The following COBLL1 variants were observed in gnomAD, a reference collection of about 807,000 sequenced individuals.
The protein encoded by COBLL1 is cordon-bleu WH2 repeat protein like 1.
In COBLL1, 50 loss-of-function variants were observed where a neutral mutation model predicts 94.8. The ratio of observed to expected loss-of-function variants is 0.53; its 90% CI spans 0.42 to 0.67. COBLL1 has a LOEUF of 0.67. COBLL1 is among the 30% of genes least tolerant of loss of function. COBLL1 has a pLI of 0.00. For missense variants in COBLL1, 1,362 were observed against 1,348.7 expected (o/e 1.01, Z -0.15); for synonymous variants, 448 against 473.8 (o/e 0.95, Z 0.71).
intron 9 of COBLL1, among the ~76,000 whole-genome samples, chr2:164,702,756 C>T (rs1017693948): frequency 2.6e-5 from 4 of 151,840 alleles, no homozygotes; most frequent in Non-Finnish European, 5.9e-5. Context: ...AGCAATCTTC[C>T]ACCTCAGCCT....
chr2:164,750,484 T>C (rs1041079851), intron 2 of COBLL1, among the ~76,000 whole-genome samples: 4 of 152,196 alleles, frequency 2.6e-5, no homozygotes, highest in African/African-American at 9.6e-5. Context: ...ACCAGCTCCC[T>C]GCTACCACCC....
At chr2:164,709,674 G>T (rs1422025506) in intron 7 of COBLL1, among the ~76,000 whole-genome samples, 1 of 151,936 alleles carries the variant, frequency 6.6e-6, no homozygotes, top group Non-Finnish European at 1.5e-5. Context: ...CCAAGATTGC[G>T]CCACTGCACT....
intron 2 of COBLL1, among the ~76,000 whole-genome samples, chr2:164,787,568 G>GA (rs951694457): frequency 6.6e-6 from 1 of 151,952 alleles, no homozygotes; most frequent in East Asian, 1.9e-4. Context: ...AAGGCTGGGG[G>GA]AAAAAATAAG....
At chr2:164,819,351 A>G (rs1046113854) in intron 2 of COBLL1, among the ~76,000 whole-genome samples, 3 of 152,162 alleles carry the variant, frequency 2.0e-5, no homozygotes, top group Non-Finnish European at 4.4e-5. Flanking sequence ...AACATAAAAG[A>G]GATAAAGCAT....
intron 2 of COBLL1, among the ~76,000 whole-genome samples, chr2:164,663,060 T>G (rs1273500153): frequency 6.6e-6 from 1 of 152,224 alleles, no homozygotes; most frequent in Non-Finnish European, 1.5e-5. Context: ...AATGTATGCA[T>G]TGGACTTTTC....
At chr2:164,668,464 G>A (rs1691199501) in intron 1 of COBLL1, among the ~76,000 whole-genome samples, 1 of 152,168 alleles carries the variant, frequency 6.6e-6, no homozygotes, top group South Asian at 2.1e-4. Flanking sequence ...CTGGTTGTTG[G>A]AGCAGTCAGA....
intron 2 of COBLL1, among the ~76,000 whole-genome samples, chr2:164,788,465 G>A (rs1182823485): frequency 1.3e-5 from 2 of 152,108 alleles, no homozygotes; most frequent in Non-Finnish European, 2.9e-5. Context: ...CATGCAAAGA[G>A]TCTTCCACTG....
intron 2 of COBLL1, among the ~76,000 whole-genome samples, chr2:164,788,893 A>T (rs1221207000): frequency 6.6e-6 from 1 of 151,886 alleles, no homozygotes; most frequent in East Asian, 1.9e-4. Flanking sequence ...TGTACAGAGT[A>T]GTAGAAAAGG....
At chr2:164,835,849 C>T (rs1251010018) in intron 2 of COBLL1, among the ~76,000 whole-genome samples, 1 of 152,132 alleles carries the variant, frequency 6.6e-6, no homozygotes, top group Admixed American at 6.5e-5. Flanking sequence ...CCTACAGATA[C>T]ATATAATTTC....
intron 2 of COBLL1, among the ~76,000 whole-genome samples, chr2:164,803,924 A>C (rs1683955126): frequency 1.3e-5 from 2 of 152,066 alleles, no homozygotes; most frequent in Admixed American, 1.3e-4. Context: ...TCTTGAAGGA[A>C]GTGAGGGCTC....
chr2:164,816,822 T>C (rs1684775488), intron 2 of COBLL1, among the ~76,000 whole-genome samples: 2 of 152,108 alleles, frequency 1.3e-5, no homozygotes, highest in Admixed American at 1.3e-4. Flanking sequence ...ATCTGGTGGA[T>C]GAAACACAAC....
intron 2 of COBLL1, among the ~76,000 whole-genome samples, chr2:164,825,811 G>T (rs1017671062): frequency 1.3e-5 from 2 of 152,176 alleles, no homozygotes; most frequent in Non-Finnish European, 2.9e-5. Context: ...GTCATCCTGA[G>T]AGATGGAGGA....
At chr2:164,818,599 G>A (rs572846266) in intron 2 of COBLL1, among the ~76,000 whole-genome samples, 178 of 139,206 alleles carry the variant, frequency 1.3e-3, no homozygotes, top group Non-Finnish European at 2.2e-3. Flanking sequence ...CACATATATA[G>A]CATATGTGTA....
intron 2 of COBLL1, among the ~76,000 whole-genome samples, chr2:164,806,703 TTTTTC>T (rs1257049293): frequency 6.6e-6 from 1 of 152,294 alleles, no homozygotes; most frequent in South Asian, 2.1e-4. Flanking sequence ...AATTTATTTA[TTTTTC>T]TTTTCTTTTG....
intron 11 of COBLL1, among the ~76,000 whole-genome samples, chr2:164,698,476 A>G (rs1288942954): frequency 6.6e-6 from 1 of 151,560 alleles, no homozygotes; most frequent in South Asian, 2.1e-4. Flanking sequence ...AGTTTTCTAA[A>G]TATCTTAACC....
At chr2:164,695,867 A>T (rs1230800559) in intron 11 of COBLL1, 31 bp from the exon 12 acceptor site, 1 of 1,497,306 alleles carries the variant, frequency 6.7e-7, no homozygotes, top group African/African-American at 1.4e-5. Flanking sequence ...AGTTAAATAT[A>T]TGAAAGAAGT....
intron 3 of COBLL1, among the ~76,000 whole-genome samples, chr2:164,741,217 C>T (rs1346081267): frequency 4.6e-5 from 7 of 151,654 alleles, no homozygotes; most frequent in East Asian, 3.9e-4. Flanking sequence ...TGGAGGTTGC[C>T]GTGAGCCAAG....
chr2:164,722,352 A>G lies in COBLL1; in HGVS notation c.760-41T>C, dbSNP rs1467288387. ...AAAGACAAAATCTAGTAATTTCAAG[A>G]TATTAGTAAAAAGCATTAGTAATTA... is the stretch of plus-strand genomic sequence containing the variant. On this transcript the variant is annotated intron_variant, in intron 6 of 13. Coordinates refer to ENST00000652658, the MANE Select transcript of COBLL1 (RefSeq NM_001365672.2). 3.2e-6 allele frequency: 5 copies of G among 1,558,006 alleles called. No homozygotes were observed. The African/African-American group carries it at 6.8e-5, about 21-fold the overall frequency.
chr2:164,818,182 G>A (rs548634381), intron 2 of COBLL1, among the ~76,000 whole-genome samples: 35 of 144,148 alleles, frequency 2.4e-4, no homozygotes, highest in African/African-American at 8.0e-4. Context: ...ACGTATACAC[G>A]TATATATACG....
Sources: gnomAD v4.1 joint callset for allele counts (sites outside exome capture counted in the v4.1 genomes callset) on GRCh38, gnomAD v4.1.1 for gene constraint, MANE v1.5 for transcripts, NCBI Gene and HGNC (gene_info 2026-07-23, HGNC 2026-07-21) for gene names.